Variants in CD6 observed in about 807,000 individuals in gnomAD.
CD6 encodes T-cell differentiation antigen CD6.
CD6 carries 53 observed loss-of-function variants against 75.3 expected under a neutral mutation model. The ratio of observed to expected loss-of-function variants is 0.70; its 90% CI spans 0.56 to 0.88. The LOEUF is 0.88. Ranked by LOEUF, CD6 falls within the 40% of genes least tolerant of loss-of-function variation. CD6 has a pLI of 0.00. For synonymous variants in CD6, 359 were observed against 381.5 expected, an observed-to-expected ratio of 0.94 and a Z score of 0.69; for missense variants, 770 against 897.1, an observed-to-expected ratio of 0.86 and a Z score of 1.81.
chr11:60,998,228 T>G (rs1017250869), intron 1 of CD6, among the ~76,000 whole-genome samples: 1 of 152,202 alleles, frequency 6.6e-6, no homozygotes, highest in Non-Finnish European at 1.5e-5. Flanking sequence ...GTGATGACAC[T>G]GGGATGATGA....
chr11:61,007,714 G>A lies in CD6; in HGVS notation c.273G>A (p.Ala91=). The A allele has an allele frequency of 7.2e-7, 1 of 1,391,386 alleles. No individual in the cohort carries two copies. Among genetic ancestry groups the A allele is most frequent in the Non-Finnish European group, 9.3e-7 (1 of 1,073,046 alleles). The allele number at this position is 1,391,386 out of a possible 1,614,324, so 86.2% of individuals were successfully genotyped here. The change falls in exon 3 of 13, where the codon GCG becomes GCA. Residue 91 remains alanine, a synonymous_variant. Transcript: ENST00000313421. The surrounding 1 kb of genome is among the most constrained non-coding windows in gnomAD (Gnocchi z 4.2). The part of the protein sequence containing the change: ...AVCRALGCGG[A]EAASQLAPPT... ...GCCGAGCACTGGGCTGCGGCGGGGCGGAGGCCGCCTCTCAGCTCGCCCCGC... is the reference window on the plus strand; with the variant it reads ...GCCGAGCACTGGGCTGCGGCGGGGCAGAGGCCGCCTCTCAGCTCGCCCCGC...
At chr11:60,974,960 C>T (rs1590661475) in intron 1 of CD6, among the ~76,000 whole-genome samples, 1 of 152,188 alleles carries the variant, frequency 6.6e-6, no homozygotes, top group African/African-American at 2.4e-5. Flanking sequence ...TGCTGAGCTC[C>T]GTGACTCTAA....
At chr11:61,018,961 C>T in intron 12 of CD6, 1 of 386,132 alleles carries the variant, frequency 2.6e-6, no homozygotes, top group African/African-American at 2.0e-5. Flanking sequence ...GCAGAAGCAG[C>T]TGGTTGGCTC....
At chr11:61,014,223 G>A (rs1405007518) in intron 8 of CD6, among the ~76,000 whole-genome samples, 1 of 152,202 alleles carries the variant, frequency 6.6e-6, no homozygotes, top group Non-Finnish European at 1.5e-5. Context: ...GTCATGCTAG[G>A]ACTCTATAGA....
chr11:60,981,135 G>T (rs1857545205), intron 1 of CD6, among the ~76,000 whole-genome samples: 1 of 152,216 alleles, frequency 6.6e-6, no homozygotes. Context: ...TAGGCAGGCA[G>T]TACAAGGATC....
intron 1 of CD6, among the ~76,000 whole-genome samples, chr11:61,003,942 C>T (rs938870341): frequency 1.1e-4 from 17 of 150,684 alleles, no homozygotes; most frequent in East Asian, 3.9e-4. Context: ...CGAGGTTATC[C>T]GCTTTCAACC....
At position 61,007,642 on chromosome 11, in the gene CD6, G is replaced by T. The variant is rs1428619380; in HGVS notation, c.201G>T (p.Glu67Asp). Reference protein sequence around the residue: ...TVEVRLEASWEPACGALWDSR... With the variant: ...TVEVRLEASWDPACGALWDSR... ...AGGTGCGGCTCGAGGCGTCCTGGGA[G>T]CCCGCGTGCGGGGCGCTCTGGGACA... The change falls in exon 3 of 13, where the codon GAG becomes GAT. Residue 67 changes from glutamate to aspartate, a missense_variant. Glu to Asp is a conservative substitution (Grantham distance 45, BLOSUM62 2). Transcript: ENST00000313421. The surrounding 1 kb of genome is among the most constrained non-coding windows in gnomAD (Gnocchi z 4.2). 2 of 1,470,410 alleles carry T rather than the reference G, an allele frequency of 1.4e-6. No individual in the cohort carries two copies. The highest frequency in any genetic ancestry group is 1.8e-6 in the Non-Finnish European group (2 of 1,110,402). 91.1% of individuals were successfully genotyped at this position (1,470,410 alleles called of 1,614,324 possible).
intron 6 of CD6, 122 bp downstream of exon 6, chr11:61,011,257 C>T: frequency 1.3e-6 from 1 of 789,554 alleles, no homozygotes; most frequent in South Asian, 1.7e-5. Context: ...CATCCTCCAC[C>T]TCCAGCCAAT....
chr11:60,990,312 C>A (rs1313383808), intron 1 of CD6, among the ~76,000 whole-genome samples: 2 of 152,164 alleles, frequency 1.3e-5, no homozygotes, highest in Non-Finnish European at 2.9e-5. Flanking sequence ...GCAACCTTTG[C>A]CTCCTGGGTT....
chr11:61,008,832 C>T lies in CD6; in HGVS notation c.768C>T (p.Gly256=), dbSNP rs774907838. Residue 256 remains glycine, a synonymous_variant, in exon 4 of 13, where the codon GGC becomes GGT. Transcript: ENST00000313421. The part of the protein sequence containing the change: ...QHYCGHKEDA[G]AVCSEHQSWR... ...ACTGCGGCCACAAAGAGGACGCGGGCGCGGTGTGCTCAGGTCAGTGGGCGG... is the reference window on the plus strand; with the variant it reads ...ACTGCGGCCACAAAGAGGACGCGGGTGCGGTGTGCTCAGGTCAGTGGGCGG... The T allele has an allele frequency of 6.4e-7, 1 of 1,551,492 alleles. No individual in the cohort carries two copies. The highest frequency in any genetic ancestry group is 1.2e-5 in the South Asian group (1 of 81,796).
chr11:61,005,681 C>T (rs529508671), intron 1 of CD6, among the ~76,000 whole-genome samples: 5 of 152,278 alleles, frequency 3.3e-5, no homozygotes, highest in East Asian at 1.9e-4. Flanking sequence ...CCTGTAATCC[C>T]GGCACTTTGG....
At chr11:61,001,214 T>TTG in intron 1 of CD6, among the ~76,000 whole-genome samples, 1 of 149,506 alleles carries the variant, frequency 6.7e-6, no homozygotes, top group South Asian at 2.1e-4. Flanking sequence ...TTTTTTTTTT[T>TTG]TTTTGAGACG....
chr11:61,016,385 CCA>C (rs1425502330), intron 9 of CD6, among the ~76,000 whole-genome samples: 1 of 152,192 alleles, frequency 6.6e-6, no homozygotes, highest in East Asian at 1.9e-4. Context: ...CCAGAGCGTC[CCA>C]CACCTTATTG....
chr11:61,017,244 T>TG, intron 9 of CD6: 1 of 549,562 alleles, frequency 1.8e-6, no homozygotes, highest in Admixed American at 3.1e-5. Context: ...GGCTGGGGGC[T>TG]GGGGGGTTGT....
At chr11:61,018,872 T>C (rs1450183867) in intron 12 of CD6, 4 of 259,822 alleles carry the variant, frequency 1.5e-5, no homozygotes, top group African/African-American at 6.6e-5. Flanking sequence ...GTGGGGAAAA[T>C]GGATGTGGAC....
chr11:61,017,166 A>G, intron 9 of CD6: 1 of 367,092 alleles, frequency 2.7e-6, no homozygotes, highest in Non-Finnish European at 5.1e-6. Flanking sequence ...TCCTGCCCAG[A>G]GCTGCCAGGT....
At position 61,018,390 on chromosome 11, in the gene CD6, C is replaced by G. The variant is rs200741169; in HGVS notation, c.1939C>G (p.Pro647Ala). 226 of 1,587,740 alleles carry G rather than the reference C, an allele frequency of 1.4e-4. No homozygotes were observed. The highest frequency in any genetic ancestry group is 8.3e-4 in the Middle Eastern group (5 of 6,028). ...QPPSEEQFGCPGSPSPQPDST... is the reference protein window; with the variant it reads ...QPPSEEQFGCAGSPSPQPDST... ...CCCTTCGGAGGAGCAGTTTGGCTGTCCAGGTGCCAATATCTGGGGAAGGGA... is the reference window on the plus strand; with the variant it reads ...CCCTTCGGAGGAGCAGTTTGGCTGTGCAGGTGCCAATATCTGGGGAAGGGA... The change falls in exon 12 of 13, where the codon CCA becomes GCA. Residue 647 changes from proline (P) to alanine (A), a missense_variant. Transcript: ENST00000313421.
At position 60,988,191 on chromosome 11, in the gene CD6, T is replaced by G. The variant is rs1226582874; in HGVS notation, c.49+16277T>G. 5.3e-5 allele frequency among the ~76,000 whole-genome samples: 8 copies of G among 152,360 alleles called. No individual in the cohort carries two copies. The East Asian group carries it at 1.5e-3, about 29-fold the overall frequency. ...GCCTCAGTTTTCTCATCTGGAACACTGAGCCTTCACAGGCTCCTCATGGAG... is the reference window on the plus strand; with the variant it reads ...GCCTCAGTTTTCTCATCTGGAACACGGAGCCTTCACAGGCTCCTCATGGAG... On this transcript the variant is annotated intron_variant, in intron 1 of 12. Coordinates refer to ENST00000313421, the MANE Select transcript of CD6 (RefSeq NM_006725.5).
chr11:60,978,400 C>G (rs1379363327), intron 1 of CD6, among the ~76,000 whole-genome samples: 1 of 152,102 alleles, frequency 6.6e-6, no homozygotes, highest in Non-Finnish European at 1.5e-5. Context: ...TCCCTTGATT[C>G]CGCTCTGGGA....
Sources: allele counts gnomAD v4.1 joint callset (sites outside exome capture counted in the v4.1 genomes callset), GRCh38; gene constraint gnomAD v4.1.1; non-coding constraint Gnocchi (gnomAD v3.1); transcripts MANE v1.5; gene names NCBI Gene and HGNC (gene_info 2026-07-23, HGNC 2026-07-21).